Variants in KCTD10 observed in about 807,000 individuals in gnomAD.
KCTD10 encodes BTB/POZ domain-containing adapter for CUL3-mediated RhoA degradation protein 3.
A neutral mutation model predicts 34.6 loss-of-function variants in KCTD10; 13 were observed. The observed-to-expected ratio is 0.38, with a 90% CI of 0.24 to 0.60. The LOEUF (loss-of-function observed/expected upper bound fraction) is 0.60. Ranked by LOEUF, KCTD10 falls within the 20% of genes least tolerant of loss-of-function variation. The pLI is 0.66. For synonymous variants in KCTD10, 156 were observed against 168.8 expected, an observed-to-expected ratio of 0.92 and a Z score of 0.59; for missense variants, 256 against 420.3, an observed-to-expected ratio of 0.61 and a Z score of 3.42.
chr12:109,472,634 T>C (rs1873945415), intron 1 of KCTD10, among the ~76,000 whole-genome samples: 1 of 152,248 alleles, frequency 6.6e-6, no homozygotes, highest in South Asian at 2.1e-4. Context: ...CATAATTGTG[T>C]GTGCTAGACT....
chr12:109,470,187 T>A, intron 1 of KCTD10: 1 of 992,016 alleles, frequency 1.0e-6, no homozygotes, highest in Non-Finnish European at 1.2e-6. Context: ...CATTTCCTTA[T>A]TGCCATGTAC....
At chr12:109,457,585 G>C in intron 5 of KCTD10, 45 bp downstream of exon 5, 1 of 1,579,200 alleles carries the variant, frequency 6.3e-7, no homozygotes, top group Non-Finnish European at 8.7e-7. Flanking sequence ...TGTGAGTGGA[G>C]GTTTTCCTAG....
In KCTD10 at chr12:109,451,564, T is replaced by C. The variant is rs1872766298; in HGVS notation, c.*31A>G. The C allele has an allele frequency of 1.3e-6, 2 of 1,571,230 alleles. No individual in the cohort carries two copies. Among genetic ancestry groups the C allele is most frequent in the African/African-American group, 1.3e-5 (1 of 74,160 alleles). On this transcript the variant is annotated 3_prime_UTR_variant, in exon 7 of 7. Transcript: ENST00000228495. This position sits in a 1 kb window ranked among gnomAD's most constrained non-coding sequence, Gnocchi z 5.0. Reference sequence around the variant, plus strand: ...GTAGCACGGCAGGGAGTGGGGGCGGTGAGAGGAGGGCGGCTCGGTCTCTTG... The same window carrying C: ...GTAGCACGGCAGGGAGTGGGGGCGGCGAGAGGAGGGCGGCTCGGTCTCTTG...
intron 2 of KCTD10, 30 bp downstream of exon 2, chr12:109,469,485 C>T: frequency 6.2e-7 from 1 of 1,609,938 alleles, no homozygotes; most frequent in Admixed American, 1.7e-5. Flanking sequence ...AACGCATGGC[C>T]AGAGGCAGGC....
intron 2 of KCTD10, 105 bp downstream of exon 2, chr12:109,469,410 C>G (rs1013791600): frequency 3.5e-5 from 49 of 1,381,672 alleles, no homozygotes; most frequent in Non-Finnish European, 4.9e-5. Context: ...AACAAGCTGC[C>G]TCCTACACAT....
Position 109,451,982 on chromosome 12 carries a change from G to A in KCTD10, c.724-169C>T, listed in dbSNP as rs909653659. Among the ~76,000 whole-genome samples the A allele has an allele frequency of 6.6e-6, 1 of 152,208 alleles. No homozygotes were observed. Among genetic ancestry groups the A allele is most frequent in the Non-Finnish European group, 1.5e-5 (1 of 68,040 alleles). On this transcript the variant is annotated intron_variant, in intron 6 of 6. Transcript: ENST00000228495. The surrounding 1 kb of genome is among the most constrained non-coding windows in gnomAD (Gnocchi z 5.0). The stretch of plus-strand genomic sequence containing the variant: ...TTTTCAATGGCAACACTTACATGTG[G>A]TGCTAAATGCACAGAAAATCAAGGG...
At chr12:109,454,437 G>C (rs1287100182) in intron 6 of KCTD10, among the ~76,000 whole-genome samples, 1 of 152,146 alleles carries the variant, frequency 6.6e-6, no homozygotes, top group African/African-American at 2.4e-5. Flanking sequence ...CAGGAGAGGA[G>C]AGTGATATGG....
At chr12:109,477,107 G>A (rs1373377411) in intron 1 of KCTD10, among the ~76,000 whole-genome samples, 153 bp downstream of exon 1, 2 of 14,078 alleles carry the variant, frequency 1.4e-4, no homozygotes, top group Non-Finnish European at 2.8e-4. Flanking sequence ...CCCCCACCCC[G>A]GGCCTTTCCC....
At position 109,460,716 on chromosome 12, in the gene KCTD10, G is replaced by A. The variant is rs748422400; in HGVS notation, c.307C>T (p.Arg103Trp). Residue 103 changes from arginine (R) to tryptophan (W), a missense_variant, in exon 3 of 7, where the codon CGG becomes TGG. This residue lies in a region of KCTD10 where 155 missense variants were observed against 207.0 expected (regional missense o/e 0.75). Transcript: ENST00000228495. This position sits in a 1 kb window ranked among gnomAD's most constrained non-coding sequence, Gnocchi z 4.5. ...TCTGCTAGCAGCTCCTCGATCTCCC[G>A]GCGGCTCTCGGGTAAAGGCACCGCC... ...DGAVPLPESRREIEELLAEAK... is the reference protein window; with the variant it reads ...DGAVPLPESRWEIEELLAEAK... 14 of 1,614,006 alleles carry A rather than the reference G, an allele frequency of 8.7e-6. No individual in the cohort carries two copies. Among genetic ancestry groups the A allele is most frequent in the Admixed American group, 1.7e-5 (1 of 59,990 alleles).
chr12:109,473,787 T>C (rs1874011067), intron 1 of KCTD10, among the ~76,000 whole-genome samples: 1 of 151,696 alleles, frequency 6.6e-6, no homozygotes, highest in Non-Finnish European at 1.5e-5. Flanking sequence ...TCCTGCTTTT[T>C]TTTTTTTTTT....
At chr12:109,452,854 T>TTTTTTTTTA (rs1228946105) in intron 6 of KCTD10, among the ~76,000 whole-genome samples, 2 of 151,152 alleles carry the variant, frequency 1.3e-5, no homozygotes, top group African/African-American at 4.9e-5. Flanking sequence ...CCTTTTTTTT[T>TTTTTTTTTA]AAAAGATATG....
At chr12:109,473,061 C>G (rs1873965395) in intron 1 of KCTD10, among the ~76,000 whole-genome samples, 1 of 152,166 alleles carries the variant, frequency 6.6e-6, no homozygotes, top group African/African-American at 2.4e-5. Context: ...TGCTGGAAGA[C>G]AGCTATAGTT....
rs1872648922 is a variant in KCTD10, at chr12:109,449,451, G to GTGTGGT, written c.*2138_*2143dup. 1 of 152,238 alleles carries GTGTGGT rather than the reference G, an allele frequency of 6.6e-6. No individual in the cohort carries two copies. The highest frequency in any genetic ancestry group is 1.5e-5 in the Non-Finnish European group (1 of 68,062). 9.4% of individuals were successfully genotyped at this position (152,238 alleles called of 1,614,324 possible). ...AACATTTAAAACACTATGCAGCCAGGTGTGGTGACTCACACCTGTAATCCC... is the reference window on the plus strand; with the variant it reads ...AACATTTAAAACACTATGCAGCCAGGTGTGGTTGTGGTGACTCACACCTGTAATCCC... On this transcript the variant is annotated 3_prime_UTR_variant, in exon 7 of 7. Coordinates refer to ENST00000228495, the MANE Select transcript of KCTD10 (RefSeq NM_031954.5).
chr12:109,459,099 C>T (rs7308091), intron 3 of KCTD10: 1 of 152,220 alleles, frequency 6.6e-6, no homozygotes, highest in African/African-American at 2.4e-5. Context: ...AATCATCAGA[C>T]AGTTGAGAGC....
intron 1 of KCTD10, among the ~76,000 whole-genome samples, chr12:109,473,109 A>C (rs1289640616): frequency 6.6e-6 from 1 of 152,220 alleles, no homozygotes; most frequent in Non-Finnish European, 1.5e-5. Flanking sequence ...CAGCCCCATC[A>C]GGGTCAGTCA....
Position 109,450,709 on chromosome 12 carries a change from T to A in KCTD10, c.*886A>T, listed in dbSNP as rs1872729008. On this transcript the variant is annotated 3_prime_UTR_variant, in exon 7 of 7. Coordinates refer to ENST00000228495, the MANE Select transcript of KCTD10 (RefSeq NM_031954.5). Reference sequence around the variant, plus strand: ...AGAGGAGCGGGATCCCAGGGAGGGGTAGTTTATGAGCTATGCCTGTCACAG... The same window carrying A: ...AGAGGAGCGGGATCCCAGGGAGGGGAAGTTTATGAGCTATGCCTGTCACAG... 1 of 212,114 alleles carries A rather than the reference T, an allele frequency of 4.7e-6. No homozygotes were observed. The highest frequency in any genetic ancestry group is 2.3e-5 in the African/African-American group (1 of 43,364). 13.1% of individuals were successfully genotyped at this position (212,114 alleles called of 1,614,324 possible). A position where few individuals can be genotyped will look rare whatever the true frequency, so the allele number is the denominator to read the frequency against.
At chr12:109,452,184 T>C (rs1040542222) in intron 6 of KCTD10, among the ~76,000 whole-genome samples, 8 of 152,236 alleles carry the variant, frequency 5.3e-5, no homozygotes, top group Non-Finnish European at 1.2e-4. Context: ...TGTCTTCCTC[T>C]TGTGCCTAAC....
intron 2 of KCTD10, among the ~76,000 whole-genome samples, chr12:109,464,351 G>GT (rs1460336103): frequency 1.3e-5 from 2 of 152,164 alleles, no homozygotes; most frequent in Admixed American, 1.3e-4. Flanking sequence ...CCCGCACATT[G>GT]TAGGGTATTT....
chr12:109,455,134 G>A (rs752750449), intron 6 of KCTD10, among the ~76,000 whole-genome samples: 4 of 151,910 alleles, frequency 2.6e-5, no homozygotes, highest in African/African-American at 2.4e-5. Flanking sequence ...CCCTGCCCCC[G>A]GGATCTTTGA....
Sources: gnomAD v4.1 joint callset for allele counts (sites outside exome capture counted in the v4.1 genomes callset) on GRCh38, gnomAD v4.1.1 for gene constraint, gnomAD v4.1.1 regional missense constraint, Gnocchi (gnomAD v3.1) non-coding constraint, MANE v1.5 for transcripts, NCBI Gene and HGNC (gene_info 2026-07-23, HGNC 2026-07-21) for gene names.